Variants in TBCK observed in about 807,000 individuals in gnomAD.
The protein encoded by TBCK is TBC1 domain containing kinase, also known as TBC domain-containing protein kinase-like protein.
TBCK carries 99 observed loss-of-function variants against 113.4 expected under a neutral mutation model. The observed-to-expected ratio is 0.87, with a 90% confidence interval of 0.74 to 1.03. The LOEUF is 1.03. Ranked by LOEUF, TBCK falls within the 50% of genes least tolerant of loss-of-function variation. The pLI is 0.00. For synonymous variants in TBCK, 369 were observed against 370.8 expected (o/e 1.00, Z 0.05); for missense variants, 1,045 against 1,061.3 (o/e 0.98, Z 0.21).
rs148715956 is a variant in TBCK, at chr4:106,206,935, T to G, written c.1860+5815A>C. ...GGCACATATAGTACTGATACACTCC[T>G]TATCATTTCTCTTAATGGTTACCTG... On this transcript the variant is annotated intron_variant, in intron 20 of 25. Coordinates refer to ENST00000394708, the MANE Select transcript of TBCK (RefSeq NM_001163435.3). 9.7e-3 allele frequency among the ~76,000 whole-genome samples: 1,470 copies of G among 152,286 alleles called. 16 individuals are homozygous for G. The highest frequency in any genetic ancestry group is 0.024 in the South Asian group (117 of 4,828).
At chr4:106,237,731 T>C (rs1338871564) in intron 12 of TBCK, among the ~76,000 whole-genome samples, 1 of 152,164 alleles carries the variant, frequency 6.6e-6, no homozygotes, top group Non-Finnish European at 1.5e-5. Flanking sequence ...ATGTGCTATG[T>C]ACTTATCCTA....
At chr4:106,220,233 C>T (rs1328294400) in intron 19 of TBCK, among the ~76,000 whole-genome samples, 2 of 152,174 alleles carry the variant, frequency 1.3e-5, no homozygotes, top group Admixed American at 6.5e-5. Flanking sequence ...CTTGCCCGTG[C>T]TATTCTCATA....
chr4:106,295,571 G>C (rs1198171882), intron 2 of TBCK, among the ~76,000 whole-genome samples: 1 of 152,110 alleles, frequency 6.6e-6, no homozygotes, highest in African/African-American at 2.4e-5. Context: ...TTTAAACACA[G>C]ACCTTTGAAA....
chr4:106,274,256 T>G (rs571284096), intron 3 of TBCK, among the ~76,000 whole-genome samples: 1 of 152,180 alleles, frequency 6.6e-6, no homozygotes, highest in African/African-American at 2.4e-5. Context: ...GCTAGTGGGA[T>G]AGTAAGTGGT....
intron 3 of TBCK, among the ~76,000 whole-genome samples, chr4:106,294,628 C>A (rs1468090128): frequency 6.6e-6 from 1 of 151,948 alleles, no homozygotes; most frequent in Non-Finnish European, 1.5e-5. Flanking sequence ...ACTACAGGTG[C>A]CCACCACCAC....
chr4:106,046,939 A>T (rs938446631), intron 25 of TBCK, among the ~76,000 whole-genome samples: 24 of 152,210 alleles, frequency 1.6e-4, no homozygotes, highest in Non-Finnish European at 2.9e-4. Context: ...ATAAATATAC[A>T]TGGTAAACAA....
rs759388798 is a variant in TBCK at position 106,252,051 on chromosome 4, G to A, written c.456-44C>T. 6.0e-6 allele frequency: 9 copies of A among 1,492,664 alleles called. 1 individual carries two copies. The South Asian group carries it at 1.2e-4, about 20-fold the overall frequency. The allele number at this position is 1,492,664 out of a possible 1,614,324, so 92.5% of individuals were successfully genotyped here. On this transcript the variant is annotated intron_variant, in intron 5 of 25. Transcript: ENST00000394708. ...ATAATGAAAAATTACAACAGGGAAA[G>A]AAGCGATAGTACATTTTTACAATCA...
intron 24 of TBCK, among the ~76,000 whole-genome samples, chr4:106,111,851 G>A (rs1478868208): frequency 6.6e-6 from 1 of 152,094 alleles, no homozygotes; most frequent in African/African-American, 2.4e-5. Flanking sequence ...AAATTACTAG[G>A]TAATATTAAC....
At chr4:106,182,325 T>A (rs1054862467) in intron 22 of TBCK, 1 of 152,150 alleles carries the variant, frequency 6.6e-6, no homozygotes, top group Non-Finnish European at 1.5e-5. Flanking sequence ...CAGAGACAAT[T>A]TGACTTCCTC....
chr4:106,248,564 G>A (rs904330924), intron 8 of TBCK, among the ~76,000 whole-genome samples: 2 of 152,134 alleles, frequency 1.3e-5, no homozygotes, highest in African/African-American at 2.4e-5. Flanking sequence ...TCCCTCCAAA[G>A]TTTAGGCTTC....
chr4:106,252,889 C>CA (rs757200482), intron 5 of TBCK, among the ~76,000 whole-genome samples: 1 of 152,018 alleles, frequency 6.6e-6, no homozygotes, highest in Non-Finnish European at 1.5e-5. Context: ...CATGAGGGTG[C>CA]CTATTTCCTC....
At chr4:106,238,820 A>T (rs1401277742) in intron 12 of TBCK, 2 of 152,122 alleles carry the variant, frequency 1.3e-5, no homozygotes, top group Non-Finnish European at 1.5e-5. Flanking sequence ...GCTCAACAGG[A>T]ACAGAGCCAC....
At chr4:106,086,416 G>A (rs1005047545) in intron 25 of TBCK, among the ~76,000 whole-genome samples, 4 of 152,122 alleles carry the variant, frequency 2.6e-5, no homozygotes, top group Admixed American at 6.5e-5. Flanking sequence ...CCAATAACAA[G>A]CTCTGAAACT....
chr4:106,054,174 T>C (rs1735133680), intron 25 of TBCK, among the ~76,000 whole-genome samples: 1 of 151,688 alleles, frequency 6.6e-6, no homozygotes, highest in Non-Finnish European at 1.5e-5. Flanking sequence ...TATGAGGTCT[T>C]ACATGATCTG....
In TBCK at chr4:106,085,203, T is replaced by C. The variant is rs530874032; in HGVS notation, c.2571+10279A>G. ...TGGTGTGCTGTATTCAGGAGACTCA[T>C]TTTATGTGCAGACATACACAGGCTC... On this transcript the variant is annotated intron_variant, in intron 25 of 25. Transcript: ENST00000394708. Among the ~76,000 whole-genome samples, 21 of 152,240 alleles carry C rather than the reference T, an allele frequency of 1.4e-4. No homozygotes were observed. In the South Asian group the frequency reaches 3.5e-3, roughly 26 times the overall value.
At chr4:106,219,949 A>G (rs1042508372) in intron 19 of TBCK, among the ~76,000 whole-genome samples, 1 of 152,246 alleles carries the variant, frequency 6.6e-6, no homozygotes, top group Non-Finnish European at 1.5e-5. Context: ...ATAATCTTCA[A>G]AAAATAATGT....
chr4:106,297,907 A>C (rs1393225660), intron 2 of TBCK, among the ~76,000 whole-genome samples: 1 of 152,188 alleles, frequency 6.6e-6, no homozygotes, highest in African/African-American at 2.4e-5. Flanking sequence ...GGTTGTTGTG[A>C]GGTTGAAATG....
At chr4:106,081,080 A>G (rs1738808126) in intron 25 of TBCK, among the ~76,000 whole-genome samples, 1 of 152,258 alleles carries the variant, frequency 6.6e-6, no homozygotes, top group African/African-American at 2.4e-5. Flanking sequence ...AGTGTAAGTT[A>G]GTTGAACCAT....
At chr4:106,235,230 C>A (rs1759311559) in intron 15 of TBCK, 39 bp downstream of exon 15, 2 of 1,385,448 alleles carry the variant, frequency 1.4e-6, no homozygotes, top group Non-Finnish European at 2.0e-6. Context: ...CCTTTCTTTG[C>A]ATAATTAATC....
Sources: allele counts gnomAD v4.1 joint callset (sites outside exome capture counted in the v4.1 genomes callset), GRCh38; gene constraint gnomAD v4.1.1; transcripts MANE v1.5; gene names NCBI Gene and HGNC (gene_info 2026-07-23, HGNC 2026-07-21).